The following NCOA2 variants were observed in gnomAD, a reference collection of about 807,000 sequenced individuals.
NCOA2 encodes class E basic helix-loop-helix protein 75.
A neutral mutation model predicts 145.1 loss-of-function variants in NCOA2; 21 were observed. The observed-to-expected ratio is 0.14, with a 90% CI of 0.10 to 0.21. The LOEUF (loss-of-function observed/expected upper bound fraction) is 0.21, where lower values mean the gene tolerates loss of function less well. Among genes scored for constraint, NCOA2 ranks in the 10% least tolerant of loss-of-function variants. NCOA2 has a pLI of 1.00. For missense variants in NCOA2, 1,472 were observed against 1,837.6 expected, an observed-to-expected ratio of 0.80 and a Z score of 3.64; for synonymous variants, 619 against 637.5, an observed-to-expected ratio of 0.97 and a Z score of 0.44.
chr8:70,359,821 A>C (rs892239035), intron 1 of NCOA2, among the ~76,000 whole-genome samples: 4 of 152,192 alleles, frequency 2.6e-5, no homozygotes, highest in African/African-American at 9.6e-5. Flanking sequence ...AATTCTTCTA[A>C]TAAACACTGA....
chr8:70,233,189 A>G (rs1171189001), intron 2 of NCOA2, among the ~76,000 whole-genome samples: 6 of 151,814 alleles, frequency 4.0e-5, no homozygotes, highest in Non-Finnish European at 5.9e-5. Flanking sequence ...TCGCACCACT[A>G]CACTCCAGCC....
chr8:70,180,303 T>C (rs1025029218), intron 4 of NCOA2, among the ~76,000 whole-genome samples: 4 of 152,236 alleles, frequency 2.6e-5, no homozygotes, highest in African/African-American at 9.6e-5. Context: ...GATGCCTCTA[T>C]AATTTTTCTC....
chr8:70,332,568 G>C (rs1298249330), intron 1 of NCOA2, among the ~76,000 whole-genome samples: 1 of 152,110 alleles, frequency 6.6e-6, no homozygotes, highest in South Asian at 2.1e-4. Context: ...CTGTTTTTAG[G>C]TGGGGGTGGC....
intron 2 of NCOA2, among the ~76,000 whole-genome samples, chr8:70,258,626 C>G (rs117356985): frequency 2.0e-5 from 3 of 152,230 alleles, no homozygotes; most frequent in Non-Finnish European, 4.4e-5. Context: ...ATCACATCAC[C>G]TTCTTTCCAA....
At chr8:70,393,222 T>TC (rs1211639773) in intron 1 of NCOA2, among the ~76,000 whole-genome samples, 1 of 151,818 alleles carries the variant, frequency 6.6e-6, no homozygotes, top group African/African-American at 2.4e-5. Context: ...GGGAAAACAA[T>TC]CCCCCAAATG....
chr8:70,351,397 A>G (rs1411441136), intron 1 of NCOA2, among the ~76,000 whole-genome samples: 2 of 152,064 alleles, frequency 1.3e-5, no homozygotes, highest in Non-Finnish European at 2.9e-5. Context: ...AGGATATTCT[A>G]TTCTTTAAAG....
At chr8:70,406,415 T>C (rs1417896315), upstream of NCOA2, among the ~76,000 whole-genome samples, 1 of 151,956 alleles carries the variant, frequency 6.6e-6, no homozygotes, top group Non-Finnish European at 1.5e-5. Context: ...AGGCGGTAAA[T>C]AAGTTGGCTC....
At chr8:70,324,831 C>T (rs1301331932) in intron 1 of NCOA2, among the ~76,000 whole-genome samples, 1 of 152,040 alleles carries the variant, frequency 6.6e-6, no homozygotes, top group African/African-American at 2.4e-5. Context: ...TCTACCTTTC[C>T]CCCTTTAATG....
the NCOA2 span, among the ~76,000 whole-genome samples, chr8:70,444,523 A>G: frequency 6.6e-6 from 1 of 152,242 alleles, no homozygotes. Context: ...AAATGAGTGC[A>G]TATAAAACAG....
Position 70,141,179 on chromosome 8 carries a change from C to T in NCOA2, c.3028+5G>A, listed in dbSNP as rs771067981. 1.2e-6 allele frequency: 2 copies of T among 1,612,740 alleles called. No homozygotes were observed. The highest frequency in any genetic ancestry group is 2.2e-5 in the East Asian group (1 of 44,838). ...TAAAAGCAAACAGCACTAGAGCCAC[C>T]TTACCTATATTCATGACCTGAGACT... On this transcript the variant is annotated splice_donor_5th_base_variant and intron_variant, in intron 14 of 22. Transcript: ENST00000452400.
the NCOA2 span, among the ~76,000 whole-genome samples, chr8:70,442,161 AAG>A: frequency 1.4e-5 from 2 of 142,924 alleles, no homozygotes; most frequent in East Asian, 4.3e-4. Context: ...GAAAGAAAGA[AAG>A]AGAAAGGCTG....
the NCOA2 span, among the ~76,000 whole-genome samples, chr8:70,428,781 C>T: frequency 6.6e-6 from 1 of 151,886 alleles, no homozygotes; most frequent in Admixed American, 6.6e-5. Context: ...GGCAGCATAG[C>T]AACTATTCTG....
At chr8:70,367,507 A>C (rs1207140463) in intron 1 of NCOA2, among the ~76,000 whole-genome samples, 1 of 152,194 alleles carries the variant, frequency 6.6e-6, no homozygotes, top group East Asian at 1.9e-4. Context: ...GACTGCTGAG[A>C]GTATAACATA....
At chr8:70,132,337 ATGT>A (rs1361880093) in intron 15 of NCOA2, among the ~76,000 whole-genome samples, 47 of 152,232 alleles carry the variant, frequency 3.1e-4, no homozygotes, top group Non-Finnish European at 5.3e-4. Context: ...CTGCTCAAGC[ATGT>A]AAATATTTAC....
intron 22 of NCOA2, among the ~76,000 whole-genome samples, chr8:70,118,457 C>T (rs1201178249): frequency 6.6e-6 from 1 of 152,102 alleles, no homozygotes; most frequent in African/African-American, 2.4e-5. Context: ...TATATACAGA[C>T]AACATCTACA....
chr8:70,181,205 G>A (rs7001409), intron 4 of NCOA2, among the ~76,000 whole-genome samples: 136,147 of 152,290 alleles, frequency 0.89, 61,309 homozygotes, highest in African/African-American at 0.95. Flanking sequence ...GGACAGCCAC[G>A]TAATTGTTCT....
chr8:70,277,502 C>G (rs1471233353), intron 2 of NCOA2, among the ~76,000 whole-genome samples: 1 of 151,968 alleles, frequency 6.6e-6, no homozygotes, highest in African/African-American at 2.4e-5. Flanking sequence ...AAATAAAATC[C>G]CTACATTTTA....
intron 2 of NCOA2, among the ~76,000 whole-genome samples, chr8:70,241,443 T>C (rs1192087282): frequency 6.6e-6 from 1 of 152,176 alleles, no homozygotes; most frequent in Non-Finnish European, 1.5e-5. Flanking sequence ...TTCTTTTCAA[T>C]GCGGACCGAA....
chr8:70,271,181 A>G (rs1009291185), intron 2 of NCOA2, among the ~76,000 whole-genome samples: 8 of 152,226 alleles, frequency 5.3e-5, no homozygotes, highest in African/African-American at 1.9e-4. Flanking sequence ...CCATCTTTCA[A>G]ATAAACATTC....
Sources: gnomAD v4.1 joint callset for allele counts (sites outside exome capture counted in the v4.1 genomes callset) on GRCh38, gnomAD v4.1.1 for gene constraint, MANE v1.5 for transcripts, NCBI Gene and HGNC (gene_info 2026-07-23, HGNC 2026-07-21) for gene names.